HPSE2: variants seen among roughly 807,000 people sequenced by gnomAD.
HPSE2 encodes the protein inactive heparanase-2.
In HPSE2, 38 loss-of-function variants were observed where a neutral mutation model predicts 60.5. The observed-to-expected ratio is 0.63, with a 90% CI of 0.48 to 0.82. The LOEUF is 0.82. Among genes scored for constraint, HPSE2 ranks in the 40% least tolerant of loss-of-function variants. The pLI is 0.00. For synonymous variants in HPSE2, 295 were observed against 293.2 expected (o/e 1.01, Z -0.06); for missense variants, 713 against 740.4 (o/e 0.96, Z 0.43).
chr10:98,716,144 A>C (rs935679454), intron 5 of HPSE2, among the ~76,000 whole-genome samples: 4 of 152,038 alleles, frequency 2.6e-5, no homozygotes, highest in African/African-American at 9.7e-5. Flanking sequence ...ATTTATGAGC[A>C]ACTCATCATC....
chr10:98,469,904 ATC>A (rs761721586), intron 11 of HPSE2, among the ~76,000 whole-genome samples: 2 of 152,222 alleles, frequency 1.3e-5, no homozygotes, highest in South Asian at 2.1e-4. Context: ...GTCAGAATTC[ATC>A]TCTCTCTTTC....
chr10:98,727,415 C>T (rs1331595711), intron 4 of HPSE2, among the ~76,000 whole-genome samples: 1 of 152,116 alleles, frequency 6.6e-6, no homozygotes, highest in Non-Finnish European at 1.5e-5. Flanking sequence ...CTTTGGGAGG[C>T]CAAGGCAGAT....
intron 9 of HPSE2, among the ~76,000 whole-genome samples, chr10:98,552,141 T>C (rs1224430747): frequency 7.2e-6 from 1 of 138,860 alleles, no homozygotes; most frequent in Admixed American, 7.2e-5. Context: ...AGGAGAAGCA[T>C]GTTTATAGGG....
At chr10:99,170,957 A>C (rs1847284896) in intron 2 of HPSE2, among the ~76,000 whole-genome samples, 1 of 152,238 alleles carries the variant, frequency 6.6e-6, no homozygotes, top group Non-Finnish European at 1.5e-5. Context: ...ATTAAGTATT[A>C]AAATTAATCT....
intron 3 of HPSE2, among the ~76,000 whole-genome samples, chr10:99,090,904 G>C (rs1843490254): frequency 6.6e-6 from 1 of 151,968 alleles, no homozygotes; most frequent in Non-Finnish European, 1.5e-5. Context: ...TAATTCTTAT[G>C]CTTATTTACT....
At chr10:99,135,755 TA>T (rs1249427938) in intron 3 of HPSE2, among the ~76,000 whole-genome samples, 1 of 152,094 alleles carries the variant, frequency 6.6e-6, no homozygotes, top group Non-Finnish European at 1.5e-5. Context: ...GCAGGAAAGA[TA>T]AAAAATTAAA....
chr10:99,156,686 G>A (rs1846578248), intron 2 of HPSE2, among the ~76,000 whole-genome samples: 1 of 123,910 alleles, frequency 8.1e-6, no homozygotes. Context: ...TTTGAAAACT[G>A]GCACAAGACA....
chr10:98,621,481 C>T (rs535736988), intron 7 of HPSE2, among the ~76,000 whole-genome samples: 41 of 152,198 alleles, frequency 2.7e-4, no homozygotes, highest in African/African-American at 9.4e-4. Flanking sequence ...AAAAGCAGAA[C>T]CTGAGTCAAA....
chr10:99,058,227 A>G (rs574537286), intron 3 of HPSE2, among the ~76,000 whole-genome samples: 12 of 152,348 alleles, frequency 7.9e-5, no homozygotes, highest in East Asian at 3.9e-4. Context: ...TGCTTTCCCC[A>G]GGTGATCTGA....
chr10:98,697,839 G>A (rs1221691639), intron 5 of HPSE2, among the ~76,000 whole-genome samples: 1 of 152,166 alleles, frequency 6.6e-6, no homozygotes, highest in African/African-American at 2.4e-5. Context: ...CCAGAAGAGA[G>A]TGGGGGCCAA....
chr10:98,912,592 C>G (rs1954009753), intron 3 of HPSE2, among the ~76,000 whole-genome samples: 1 of 152,086 alleles, frequency 6.6e-6, no homozygotes, highest in South Asian at 2.1e-4. Context: ...TACATATACA[C>G]AATGGAGTAC....
intron 3 of HPSE2, among the ~76,000 whole-genome samples, chr10:98,772,078 G>GT (rs1489088679): frequency 1.3e-5 from 2 of 152,136 alleles, no homozygotes; most frequent in Non-Finnish European, 2.9e-5. Context: ...GGCAATAACC[G>GT]TAAGGATGGT....
At chr10:99,113,125 T>C (rs1398746337) in intron 3 of HPSE2, among the ~76,000 whole-genome samples, 1 of 152,190 alleles carries the variant, frequency 6.6e-6, no homozygotes, top group Non-Finnish European at 1.5e-5. Flanking sequence ...CCTCTATTAG[T>C]AACAATATAA....
intron 3 of HPSE2, among the ~76,000 whole-genome samples, chr10:98,945,221 G>A (rs1400599745): frequency 5.3e-5 from 8 of 152,052 alleles, no homozygotes; most frequent in South Asian, 4.1e-4. Flanking sequence ...AACCTAAGTC[G>A]GCTCTTACTG....
In HPSE2 at chr10:98,459,457, G is replaced by A; in HGVS notation, c.*117C>T. On this transcript the variant is annotated 3_prime_UTR_variant, in exon 12 of 12. Transcript: ENST00000370552. ...GGAGAGCAAGTCTGTGTTGATTCCA[G>A]CAGGATGGGGCAGCAGGGGCTGGTT... 2 of 1,100,658 alleles carry A rather than the reference G, an allele frequency of 1.8e-6. No individual in the cohort carries two copies. The highest frequency in any genetic ancestry group is 2.8e-6 in the Non-Finnish European group (2 of 715,328). 68.2% of individuals were successfully genotyped at this position (1,100,658 alleles called of 1,614,324 possible).
intron 9 of HPSE2, among the ~76,000 whole-genome samples, chr10:98,601,539 A>C (rs975872018): frequency 1.3e-5 from 2 of 152,202 alleles, no homozygotes; most frequent in Non-Finnish European, 2.9e-5. Context: ...GTTCTTGATG[A>C]GTGTGCCAGA....
chr10:98,928,431 C>A (rs1263223458), intron 3 of HPSE2, among the ~76,000 whole-genome samples: 1 of 95,610 alleles, frequency 1.0e-5, no homozygotes, highest in Admixed American at 1.0e-4. Context: ...GTCAGTGTGG[C>A]GATTCCTCAG....
At chr10:98,996,456 C>A (rs1956644107) in intron 3 of HPSE2, among the ~76,000 whole-genome samples, 1 of 152,140 alleles carries the variant, frequency 6.6e-6, no homozygotes, top group African/African-American at 2.4e-5. Context: ...TTAAACATAT[C>A]TCTAGCTACC....
intron 9 of HPSE2, among the ~76,000 whole-genome samples, chr10:98,578,700 A>C (rs1944707358): frequency 6.6e-6 from 1 of 152,200 alleles, no homozygotes; most frequent in Non-Finnish European, 1.5e-5. Flanking sequence ...ATTGTGAAAC[A>C]CTTAAAATTT....
Sources: gnomAD v4.1 joint callset for allele counts (sites outside exome capture counted in the v4.1 genomes callset) on GRCh38, gnomAD v4.1.1 for gene constraint, MANE v1.5 for transcripts, NCBI Gene and HGNC (gene_info 2026-07-23, HGNC 2026-07-21) for gene names.